SIRT5: variants seen among roughly 807,000 people sequenced by gnomAD.
The protein encoded by SIRT5 is NAD-dependent protein deacylase sirtuin-5, mitochondrial.
SIRT5 carries 26 observed loss-of-function variants against 40.0 expected under a neutral mutation model. That is an observed-to-expected ratio of 0.65 (90% CI 0.48 to 0.90). The LOEUF is 0.90. SIRT5 is among the 40% of genes least tolerant of loss of function. The pLI, the probability that SIRT5 is intolerant of heterozygous loss-of-function variation, is 0.00. For synonymous variants in SIRT5, 146 were observed against 149.1 expected, an observed-to-expected ratio of 0.98 and a Z score of 0.15; for missense variants, 401 against 402.4, an observed-to-expected ratio of 1.00 and a Z score of 0.03.
At chr6:13,600,525 T>G (rs892616895) in intron 8 of SIRT5, among the ~76,000 whole-genome samples, 4 of 152,244 alleles carry the variant, frequency 2.6e-5, no homozygotes, top group Non-Finnish European at 4.4e-5. Flanking sequence ...TATGGATCAT[T>G]TGTTTAACTT....
rs903446594 is a variant in SIRT5 at position 13,604,347 on chromosome 6, A to G, written c.857+3398A>G. On this transcript the variant is annotated intron_variant, in intron 9 of 9. Coordinates refer to ENST00000606117, the MANE Select transcript of SIRT5 (RefSeq NM_012241.5). ...GACTAAGCGTAGTAATACCGGAGCTAGGCAGCTCAAGCCTCCTGTCTGTTT... is the reference window on the plus strand; with the variant it reads ...GACTAAGCGTAGTAATACCGGAGCTGGGCAGCTCAAGCCTCCTGTCTGTTT... 3 of 732,304 alleles carry G rather than the reference A, an allele frequency of 4.1e-6. No individual in the cohort carries two copies. In the East Asian group the frequency reaches 7.7e-5, roughly 19 times the overall value. The allele number at this position is 732,304 out of a possible 1,614,324, so 45.4% of individuals were successfully genotyped here.
chr6:13,588,194 T>C, intron 3 of SIRT5, 137 bp from the exon 4 acceptor site: 1 of 1,122,382 alleles, frequency 8.9e-7, no homozygotes, highest in South Asian at 1.7e-5. Flanking sequence ...GGATGGTGTT[T>C]TCATGGTACA....
chr6:13,574,682 C>T lies in SIRT5; in HGVS notation c.-257C>T, dbSNP rs200190958. On this transcript the variant is annotated 5_prime_UTR_variant, in exon 1 of 10. Coordinates refer to ENST00000606117, the MANE Select transcript of SIRT5 (RefSeq NM_012241.5). ...GGACACAGCGCCTCTAGGAGAAAGC[C>T]TGGAAGGCGCTCCGGGGGTACCCAG... The T allele has an allele frequency of 1.3e-5, 2 of 152,248 alleles. No individual in the cohort carries two copies. Among genetic ancestry groups the T allele is most frequent in the East Asian group, 3.9e-4 (2 of 5,176 alleles). The allele number at this position is 152,248 out of a possible 1,614,324, so 9.4% of individuals were successfully genotyped here. A position where few individuals can be genotyped will look rare whatever the true frequency, so the allele number is the denominator to read the frequency against.
intron 9 of SIRT5, chr6:13,605,668 C>T (rs200809425): frequency 1.6e-5 from 16 of 985,282 alleles, no homozygotes; most frequent in Non-Finnish European, 1.9e-5. Flanking sequence ...TCCCCATGTC[C>T]GATGCTTATA....
chr6:13,595,806 C>T (rs1242750062), intron 6 of SIRT5, among the ~76,000 whole-genome samples: 1 of 151,956 alleles, frequency 6.6e-6, no homozygotes, highest in Non-Finnish European at 1.5e-5. Flanking sequence ...GAAACCTGTC[C>T]TACAAAAAAA....
rs143890704 is a variant in SIRT5, at chr6:13,584,138, C to A, written c.28C>A (p.Arg10=). The A allele has an allele frequency of 1.8e-4, 289 of 1,614,138 alleles. 1 individual carries two copies. The African/African-American group carries it at 2.9e-3, about 16-fold the overall frequency. Residue 10 remains arginine (R), a synonymous_variant, in exon 3 of 10, where the codon CGA becomes AGA. Transcript: ENST00000606117. ...GCGACCTCTCCAGATTGTCCCAAGTCGATTGATTTCCCAGCTATATTGTGG... is the reference window on the plus strand; with the variant it reads ...GCGACCTCTCCAGATTGTCCCAAGTAGATTGATTTCCCAGCTATATTGTGG... MRPLQIVPS[R]LISQLYCGLK...
rs1452796265 is a variant in SIRT5, at chr6:13,583,077, G to A, written c.-35-999G>A. ...AAAAATTAGCCGGGCATGGTGGCGC[G>A]TGCCTGTAGTCCCAGCTACTGGGGA... is the stretch of plus-strand genomic sequence containing the variant. On this transcript the variant is annotated intron_variant, in intron 2 of 9. Transcript: ENST00000606117. Among the ~76,000 whole-genome samples the A allele has an allele frequency of 7.9e-5, 12 of 152,040 alleles. 1 individual carries two copies. The South Asian group carries it at 2.1e-3, about 26-fold the overall frequency.
In SIRT5 at chr6:13,595,504, C is replaced by G; in HGVS notation, c.503C>G (p.Ser168Cys). 6.2e-7 allele frequency: 1 copy of G among 1,614,106 alleles called. No individual in the cohort carries two copies. Among genetic ancestry groups the G allele is most frequent in the Non-Finnish European group, 8.5e-7 (1 of 1,179,968 alleles). Residue 168 changes from serine to cysteine, a missense_variant, in exon 6 of 10, where the codon TCT (serine) becomes TGT (cysteine). Transcript: ENST00000606117. Reference protein sequence around the residue: ...HGSLFKTRCTSCGVVAENYKS... With the variant: ...HGSLFKTRCTCCGVVAENYKS... ...AGCTTATTTAAAACTCGATGTACCT[C>G]TTGTGGAGTTGTGGCTGAGAATTAC...
rs1463202695 is a variant in SIRT5, at chr6:13,583,277, T to C, written c.-35-799T>C. Reference sequence around the variant, plus strand: ...TGGTGGTTTTCATACCTTCTTTTTTTTCTTCTTTGTTCTTTTTTTTTTTTT... The same window carrying C: ...TGGTGGTTTTCATACCTTCTTTTTTCTCTTCTTTGTTCTTTTTTTTTTTTT... On this transcript the variant is annotated intron_variant, in intron 2 of 9. Transcript: ENST00000606117. Among the ~76,000 whole-genome samples, 5 of 150,874 alleles carry C rather than the reference T, an allele frequency of 3.3e-5. No homozygotes were observed. The South Asian group carries it at 8.3e-4, about 25-fold the overall frequency.
intron 9 of SIRT5, among the ~76,000 whole-genome samples, chr6:13,606,615 A>G (rs947962134): frequency 1.3e-5 from 2 of 152,206 alleles, no homozygotes; most frequent in African/African-American, 4.8e-5. Flanking sequence ...ATAGAAAAGG[A>G]CACATACATA....
chr6:13,589,445 C>G (rs78677739), intron 4 of SIRT5: 2 of 152,208 alleles, frequency 1.3e-5, no homozygotes, highest in Admixed American at 1.3e-4. Flanking sequence ...TTGTTTTATT[C>G]GTTGCATTGT....
intron 2 of SIRT5, among the ~76,000 whole-genome samples, chr6:13,580,732 A>T (rs1430903273): frequency 6.6e-6 from 1 of 152,124 alleles, no homozygotes; most frequent in Non-Finnish European, 1.5e-5. Context: ...CCAGTGGCAC[A>T]ATCATGACTC....
At chr6:13,589,383 G>A (rs1444706432) in intron 4 of SIRT5, 1 of 152,292 alleles carries the variant, frequency 6.6e-6, no homozygotes, top group Non-Finnish European at 1.5e-5. Flanking sequence ...ACCCATCTTG[G>A]CCTCCCAAAG....
intron 2 of SIRT5, among the ~76,000 whole-genome samples, 157 bp from the exon 3 acceptor site, chr6:13,583,919 T>A (rs1759709673): frequency 6.6e-6 from 1 of 152,204 alleles, no homozygotes; most frequent in Admixed American, 6.5e-5. Flanking sequence ...ACTAAAGATT[T>A]TTTAAAGGAC....
intron 6 of SIRT5, 52 bp from the exon 7 acceptor site, chr6:13,596,911 A>AT (rs1460356884): frequency 7.0e-7 from 1 of 1,434,100 alleles, no homozygotes; most frequent in East Asian, 2.3e-5. Flanking sequence ...TTGTTTCTTT[A>AT]TTTTTTATTA....
At chr6:13,590,620 ATGTT>A (rs1760742241) in intron 4 of SIRT5, among the ~76,000 whole-genome samples, 2 of 151,164 alleles carry the variant, frequency 1.3e-5, no homozygotes, top group South Asian at 4.2e-4. Context: ...GTGTGTATGT[ATGTT>A]GTGTAATTGT....
At chr6:13,610,036 T>C (rs762593636) in intron 9 of SIRT5, among the ~76,000 whole-genome samples, 5 of 152,192 alleles carry the variant, frequency 3.3e-5, no homozygotes, top group Non-Finnish European at 5.9e-5. Context: ...GGTATAATCA[T>C]AACTCACTGC....
chr6:13,596,686 T>C (rs1231752162), intron 6 of SIRT5, among the ~76,000 whole-genome samples: 1 of 152,168 alleles, frequency 6.6e-6, no homozygotes, highest in Non-Finnish European at 1.5e-5. Flanking sequence ...GCAGTCTTAC[T>C]GTATTGCCGA....
rs1462123927 is a variant in SIRT5 at position 13,588,460 on chromosome 6, C to G, written c.245C>G (p.Ala82Gly). 1 of 1,613,080 alleles carries G rather than the reference C, an allele frequency of 6.2e-7. No individual in the cohort carries two copies. Among genetic ancestry groups the G allele is most frequent in the Non-Finnish European group, 8.5e-7 (1 of 1,179,716 alleles). Residue 82 changes from alanine to glycine, a missense_variant, in exon 4 of 10, where the codon GCC (alanine) becomes GGC (glycine). By Grantham distance (60) the Ala-to-Gly change is moderately conservative. Transcript: ENST00000606117. The stretch of plus-strand genomic sequence containing the variant: ...GGAGGTTATTGGAGAAAATGGCAAG[C>G]CCAGGTTTGTAAAGTTTCCAGAACA... ...GAGGYWRKWQ[A>G]QDLATPLAFA...
Sources: allele counts gnomAD v4.1 joint callset (sites outside exome capture counted in the v4.1 genomes callset), GRCh38; gene constraint gnomAD v4.1.1; transcripts MANE v1.5; gene names NCBI Gene and HGNC (gene_info 2026-07-23, HGNC 2026-07-21).